The following GALNT13 variants were observed in gnomAD, a reference collection of about 807,000 sequenced individuals.
The protein encoded by GALNT13 is UDP-GalNAc:polypeptide N-acetylgalactosaminyltransferase 13.
Under a neutral mutation model 64.2 loss-of-function variants are expected in GALNT13, and 28 were observed. That is an observed-to-expected ratio of 0.44 (90% CI 0.32 to 0.60). The LOEUF is 0.60. Ranked by LOEUF, GALNT13 falls within the 20% of genes least tolerant of loss-of-function variation. GALNT13 has a pLI of 0.05. For synonymous variants in GALNT13, 214 were observed against 224.6 expected (o/e 0.95, Z 0.42); for missense variants, 577 against 669.8 (o/e 0.86, Z 1.53).
At chr2:153,225,644 A>G in the GALNT13 span, among the ~76,000 whole-genome samples, 1 of 152,262 alleles carries the variant, frequency 6.6e-6, no homozygotes, top group African/African-American at 2.4e-5. Flanking sequence ...TCACAGGATG[A>G]AGTCCAATAT....
At chr2:153,358,641 C>G in the GALNT13 span, among the ~76,000 whole-genome samples, 1 of 152,088 alleles carries the variant, frequency 6.6e-6, no homozygotes, top group African/African-American at 2.4e-5. Context: ...TAGGCCAGAG[C>G]AATTCATGTA....
chr2:153,624,796 T>G, the GALNT13 span, among the ~76,000 whole-genome samples: 1 of 147,694 alleles, frequency 6.8e-6, no homozygotes, highest in Non-Finnish European at 1.5e-5. Flanking sequence ...GAGAGACTTT[T>G]TTTTTTTTTT....
At chr2:153,752,045 C>T in the GALNT13 span, among the ~76,000 whole-genome samples, 1 of 151,770 alleles carries the variant, frequency 6.6e-6, no homozygotes, top group Non-Finnish European at 1.5e-5. Flanking sequence ...TACTGTCTTA[C>T]AACCATTATT....
the GALNT13 span, among the ~76,000 whole-genome samples, chr2:153,345,723 TTCCTTCC>T: frequency 3.0e-4 from 25 of 82,870 alleles, no homozygotes; most frequent in Middle Eastern, 5.4e-3. Context: ...CTTTCTGTCC[TTCCTTCC>T]TTCCTTCCTT....
chr2:154,448,270 T>C (rs1701695854), intron 12 of GALNT13, among the ~76,000 whole-genome samples: 1 of 152,050 alleles, frequency 6.6e-6, no homozygotes, highest in African/African-American at 2.4e-5. Context: ...AGAGTTCACT[T>C]TTACCATAAA....
chr2:154,098,959 A>G (rs181878398), intron 3 of GALNT13, among the ~76,000 whole-genome samples: 1 of 152,148 alleles, frequency 6.6e-6, no homozygotes, highest in East Asian at 1.9e-4. Context: ...GCTGAGTCAA[A>G]TGGAAGTTCT....
chr2:154,423,314 A>G (rs566254252), intron 11 of GALNT13, among the ~76,000 whole-genome samples: 38 of 152,160 alleles, frequency 2.5e-4, no homozygotes, highest in Middle Eastern at 3.4e-3. Flanking sequence ...TCTATCATTG[A>G]TGGACATTTG....
the GALNT13 span, among the ~76,000 whole-genome samples, chr2:153,846,385 T>C: frequency 6.6e-6 from 1 of 152,140 alleles, no homozygotes; most frequent in Non-Finnish European, 1.5e-5. Flanking sequence ...AGAATGTATA[T>C]TGAATGTTTA....
chr2:153,471,165 C>T, the GALNT13 span, among the ~76,000 whole-genome samples: 2 of 152,038 alleles, frequency 1.3e-5, no homozygotes, highest in African/African-American at 2.4e-5. Context: ...GTGTGGCTCA[C>T]GCAGATAGAT....
chr2:153,814,046 T>C, the GALNT13 span, among the ~76,000 whole-genome samples: 2 of 152,206 alleles, frequency 1.3e-5, no homozygotes, highest in African/African-American at 2.4e-5. Context: ...CCTTGTAGCA[T>C]GGCAGCTGGC....
chr2:153,963,725 CTCTCTCTGTGTG>C (rs1333274703), intron 3 of GALNT13, among the ~76,000 whole-genome samples: 5 of 94,922 alleles, frequency 5.3e-5, no homozygotes, highest in South Asian at 3.9e-4. Context: ...CTCTCTCTCT[CTCTCTCTGTGTG>C]TGTGTGTGTG....
the GALNT13 span, among the ~76,000 whole-genome samples, chr2:153,488,351 C>G: frequency 6.6e-6 from 1 of 152,208 alleles, no homozygotes; most frequent in Non-Finnish European, 1.5e-5. Context: ...CAGTGACACG[C>G]AGTCCTTGCT....
At chr2:153,318,342 C>A in the GALNT13 span, among the ~76,000 whole-genome samples, 42 of 152,292 alleles carry the variant, frequency 2.8e-4, 1 homozygote, top group South Asian at 1.2e-3. Flanking sequence ...TGTCCCATTC[C>A]TCTGTCCATC....
the GALNT13 span, among the ~76,000 whole-genome samples, chr2:153,637,420 G>GT: frequency 6.6e-6 from 1 of 151,524 alleles, no homozygotes; most frequent in African/African-American, 2.4e-5. Context: ...GCCTTTTTTT[G>GT]TTTTTTCTTC....
At chr2:153,823,187 T>C in the GALNT13 span, among the ~76,000 whole-genome samples, 1 of 152,182 alleles carries the variant, frequency 6.6e-6, no homozygotes, top group African/African-American at 2.4e-5. Flanking sequence ...GTCTTTAAAA[T>C]AGCCATATTG....
At chr2:153,605,387 T>C in the GALNT13 span, among the ~76,000 whole-genome samples, 2 of 152,088 alleles carry the variant, frequency 1.3e-5, no homozygotes, top group Non-Finnish European at 2.9e-5. Context: ...TGAAATGTCC[T>C]GTTTTCTCTG....
chr2:153,160,619 G>T, the GALNT13 span, among the ~76,000 whole-genome samples: 4 of 152,244 alleles, frequency 2.6e-5, no homozygotes, highest in African/African-American at 9.6e-5. Context: ...TAACTCATGA[G>T]AAATAAAAGA....
the GALNT13 span, among the ~76,000 whole-genome samples, chr2:153,227,039 T>A: frequency 6.6e-6 from 1 of 152,178 alleles, no homozygotes; most frequent in Non-Finnish European, 1.5e-5. Context: ...TCAAGCCAGA[T>A]TAGCCTAATT....
At chr2:154,303,256 C>T (rs1349904386) in intron 9 of GALNT13, among the ~76,000 whole-genome samples, 1 of 151,888 alleles carries the variant, frequency 6.6e-6, no homozygotes. Flanking sequence ...GTCGGATGCG[C>T]GCGATTTTAT....
Sources: gnomAD v4.1 joint callset for allele counts (sites outside exome capture counted in the v4.1 genomes callset) on GRCh38, gnomAD v4.1.1 for gene constraint, MANE v1.5 for transcripts, NCBI Gene and HGNC (gene_info 2026-07-23, HGNC 2026-07-21) for gene names.